The following ADAMTS7 variants were observed in gnomAD, a reference collection of about 807,000 sequenced individuals.
ADAMTS7 encodes ADAM metallopeptidase with thrombospondin type 1 motif 7.
ADAMTS7 carries 89 observed loss-of-function variants against 172.6 expected under a neutral mutation model. The ratio of observed to expected loss-of-function variants is 0.52; its 90% CI spans 0.43 to 0.61. The LOEUF (loss-of-function observed/expected upper bound fraction) is 0.61. Among genes scored for constraint, ADAMTS7 ranks in the 20% least tolerant of loss-of-function variants. The pLI is 0.00. For synonymous variants in ADAMTS7, 885 were observed against 978.4 expected (o/e 0.90, Z 1.78); for missense variants, 1,973 against 2,355.6 (o/e 0.84, Z 3.36).
intron 20 of ADAMTS7, 95 bp from the exon 21 acceptor site, chr15:78,764,194 C>T (rs543314397): frequency 9.3e-6 from 13 of 1,405,190 alleles, no homozygotes; most frequent in African/African-American, 5.8e-5. Context: ...TCCAGGCCCA[C>T]GCCCCAGCCC....
intron 8 of ADAMTS7, among the ~76,000 whole-genome samples, chr15:78,778,981 G>A (rs1318996742): frequency 5.3e-5 from 8 of 152,238 alleles, no homozygotes; most frequent in South Asian, 2.1e-4. Flanking sequence ...ATGGACTCCC[G>A]AAGCCCTGAT....
chr15:78,794,417 C>G (rs1169352150), intron 4 of ADAMTS7, among the ~76,000 whole-genome samples: 1 of 152,220 alleles, frequency 6.6e-6, no homozygotes, highest in East Asian at 1.9e-4. Flanking sequence ...TTCCCATGTC[C>G]CTGCCATCCC....
chr15:78,790,919 G>A (rs1467032778), intron 5 of ADAMTS7, 125 bp from the exon 6 acceptor site: 1 of 1,453,446 alleles, frequency 6.9e-7, no homozygotes, highest in Middle Eastern at 2.5e-4. Flanking sequence ...GCAGGCACCA[G>A]TCGAGCTTCC....
chr15:78,804,217 G>C (rs1336711397), intron 1 of ADAMTS7, among the ~76,000 whole-genome samples: 2 of 152,212 alleles, frequency 1.3e-5, no homozygotes, highest in African/African-American at 4.8e-5. Context: ...CTGGGCCTCA[G>C]TTTCCCCATC....
At chr15:78,761,065 G>A (rs1269609163) in intron 23 of ADAMTS7, among the ~76,000 whole-genome samples, 1 of 152,224 alleles carries the variant, frequency 6.6e-6, no homozygotes, top group Non-Finnish European at 1.5e-5. Flanking sequence ...GCACATAGGA[G>A]TGCTCTGAGA....
Position 78,811,409 on chromosome 15 carries a change from G to A in ADAMTS7, c.-189C>T, listed in dbSNP as rs961310823. On this transcript the variant is annotated 5_prime_UTR_variant, in exon 1 of 24. Coordinates refer to ENST00000388820, the MANE Select transcript of ADAMTS7 (RefSeq NM_014272.5). ...AAAGGCTGCAGGGCCCGCCCCCTTG[G>A]CCGCTGCAGAGGCAAAGAAAAGACA... 8 of 479,438 alleles carry A rather than the reference G, an allele frequency of 1.7e-5. No homozygotes were observed. The highest frequency in any genetic ancestry group is 2.3e-5 in the Non-Finnish European group (7 of 307,098). 29.7% of individuals were successfully genotyped at this position (479,438 alleles called of 1,614,324 possible).
At chr15:78,789,563 A>C in intron 7 of ADAMTS7, 126 bp downstream of exon 7, 1 of 1,335,140 alleles carries the variant, frequency 7.5e-7, no homozygotes, top group Middle Eastern at 2.0e-4. Flanking sequence ...ATGGCCAGTC[A>C]GGGCTCCTTT....
Position 78,762,302 on chromosome 15 carries a change from C to T in ADAMTS7, c.4903+101G>A. The T allele has an allele frequency of 1.6e-6, 2 of 1,277,914 alleles. 1 individual carries two copies. The highest frequency in any genetic ancestry group is 4.5e-5 in the South Asian group (2 of 44,846). 79.2% of individuals were successfully genotyped at this position (1,277,914 alleles called of 1,614,324 possible). On this transcript the variant is annotated intron_variant, in intron 23 of 23. Transcript: ENST00000388820. ...TCCTGAGCCCAGACTACAGATGGAA[C>T]CAGCCAGTGCCGTGGGCACAATGGT...
intron 8 of ADAMTS7, among the ~76,000 whole-genome samples, chr15:78,783,706 C>CT (rs1450455188): frequency 2.0e-5 from 3 of 152,170 alleles, no homozygotes; most frequent in African/African-American, 7.2e-5. Flanking sequence ...AGAGAACATA[C>CT]TGTACCCATG....
intron 8 of ADAMTS7, among the ~76,000 whole-genome samples, chr15:78,783,524 T>C (rs949458146): frequency 6.6e-6 from 1 of 152,070 alleles, no homozygotes; most frequent in African/African-American, 2.4e-5. Flanking sequence ...GAGATCCGCC[T>C]GCCTTAGCCT....
At chr15:78,776,057 A>C in intron 11 of ADAMTS7, 131 bp downstream of exon 11, 4 of 1,252,058 alleles carry the variant, frequency 3.2e-6, no homozygotes, top group Non-Finnish European at 4.3e-6. Flanking sequence ...GGTGGCCTGG[A>C]CACTCGGACT....
chr15:78,762,063 G>A (rs1490958632), intron 23 of ADAMTS7: 1 of 985,250 alleles, frequency 1.0e-6, no homozygotes, highest in Non-Finnish European at 1.2e-6. Flanking sequence ...GACATCCCTG[G>A]TCTCACTGTG....
chr15:78,774,277 G>A lies in ADAMTS7; in HGVS notation c.1900C>T (p.Arg634Trp), dbSNP rs992656610. ...NDVNPCELHC[R>W]PANEYFAEKL... ...TCGGCAAAGTACTCATTCGCGGGCC[G>A]GCAGTGCAGCTCGCAGGGGTTCACT... Residue 634 changes from arginine (R) to tryptophan (W), a missense_variant, in exon 13 of 24, where the codon CGG (arginine) becomes TGG (tryptophan). Arg to Trp is a moderately radical substitution (Grantham distance 101). Coordinates refer to ENST00000388820, the MANE Select transcript of ADAMTS7 (RefSeq NM_014272.5). 8 of 1,575,540 alleles carry A rather than the reference G, an allele frequency of 5.1e-6. No homozygotes were observed. The highest frequency in any genetic ancestry group is 2.3e-4 in the Middle Eastern group (1 of 4,388).
At chr15:78,790,391 C>T (rs1412911880) in intron 6 of ADAMTS7, among the ~76,000 whole-genome samples, 1 of 152,206 alleles carries the variant, frequency 6.6e-6, no homozygotes, top group Non-Finnish European at 1.5e-5. Flanking sequence ...GGATACTGTG[C>T]TCTAGTCATG....
chr15:78,765,371 T>C (rs1567203487), intron 19 of ADAMTS7, among the ~76,000 whole-genome samples: 1 of 152,242 alleles, frequency 6.6e-6, no homozygotes, highest in African/African-American at 2.4e-5. Context: ...CTGGCGGCCA[T>C]GCGGGGACCG....
chr15:78,782,821 G>C (rs956433383), intron 8 of ADAMTS7, among the ~76,000 whole-genome samples: 2 of 151,964 alleles, frequency 1.3e-5, no homozygotes, highest in Non-Finnish European at 2.9e-5. Flanking sequence ...TGTAAGAACC[G>C]ATCAGACCCT....
intron 13 of ADAMTS7, 108 bp downstream of exon 13, chr15:78,774,059 C>A (rs1463052019): frequency 2.7e-6 from 4 of 1,508,256 alleles, no homozygotes; most frequent in Non-Finnish European, 3.5e-6. Flanking sequence ...AACCTGGGGC[C>A]CGCCATGGCC....
chr15:78,789,575 C>T lies in ADAMTS7; in HGVS notation c.1178+114G>A. On this transcript the variant is annotated intron_variant, in intron 7 of 23. Coordinates refer to ENST00000388820, the MANE Select transcript of ADAMTS7 (RefSeq NM_014272.5). ...CACATGGCCAGTCAGGGCTCCTTTTCCAGAGAGCTTCCTTTCCCCTGGACT... is the reference window on the plus strand; with the variant it reads ...CACATGGCCAGTCAGGGCTCCTTTTTCAGAGAGCTTCCTTTCCCCTGGACT... 16 of 1,420,904 alleles carry T rather than the reference C, an allele frequency of 1.1e-5. 1 individual carries two copies. Among genetic ancestry groups the T allele is most frequent in the Non-Finnish European group, 1.4e-5 (15 of 1,044,386 alleles). 88.0% of individuals were successfully genotyped at this position (1,420,904 alleles called of 1,614,324 possible).
At chr15:78,760,558 A>T (rs2055026843) in intron 23 of ADAMTS7, among the ~76,000 whole-genome samples, 1 of 152,084 alleles carries the variant, frequency 6.6e-6, no homozygotes, top group African/African-American at 2.4e-5. Flanking sequence ...GTGACCTCAG[A>T]CAAGCTGCTT....
Sources: gnomAD v4.1 joint callset for allele counts (sites outside exome capture counted in the v4.1 genomes callset) on GRCh38, gnomAD v4.1.1 for gene constraint, MANE v1.5 for transcripts, NCBI Gene and HGNC (gene_info 2026-07-23, HGNC 2026-07-21) for gene names.